The following ZDHHC9 variants were observed in gnomAD, a reference collection of about 807,000 sequenced individuals.
ZDHHC9 encodes the protein palmitoyltransferase ZDHHC9.
ZDHHC9 carries 3 observed loss-of-function variants against 26.6 expected under a neutral mutation model. That is an observed-to-expected ratio of 0.11 (90% CI 0.05 to 0.29). ZDHHC9 has a LOEUF of 0.29. Among genes scored for constraint, ZDHHC9 ranks in the 10% least tolerant of loss-of-function variants. The pLI, the probability that ZDHHC9 is intolerant of heterozygous loss-of-function variation, is 1.00. For synonymous variants in ZDHHC9, 111 were observed against 109.4 expected, an observed-to-expected ratio of 1.01 and a Z score of -0.09; for missense variants, 146 against 296.4, an observed-to-expected ratio of 0.49 and a Z score of 3.73.
intron 5 of ZDHHC9, among the ~76,000 whole-genome samples, chrX:129,821,569 G>A (rs905032507): frequency 8.3e-5 from 9 of 108,471 alleles, no homozygotes; most frequent in Non-Finnish European, 1.5e-4. Context: ...GGGATTACAG[G>A]TGTGAGCCAC....
intron 3 of ZDHHC9, among the ~76,000 whole-genome samples, chrX:129,838,180 C>T (rs983881272): frequency 8.9e-6 from 1 of 112,362 alleles, no homozygotes; most frequent in African/African-American, 3.2e-5. Context: ...AATACGTTTA[C>T]CATGAATACA....
intron 4 of ZDHHC9, among the ~76,000 whole-genome samples, chrX:129,827,802 G>A (rs866361018): frequency 3.3e-5 from 1 of 30,190 alleles, no homozygotes; most frequent in Non-Finnish European, 2.5e-4. Flanking sequence ...CTAAAGCAGC[G>A]TTTTTTGTTT....
At chrX:129,840,547 TAAG>T (rs1429544035) in intron 3 of ZDHHC9, among the ~76,000 whole-genome samples, 1 of 111,097 alleles carries the variant, frequency 9.0e-6, no homozygotes, top group African/African-American at 3.3e-5. Flanking sequence ...GGAAAGCAAA[TAAG>T]AAGCCTTCAG....
intron 3 of ZDHHC9, among the ~76,000 whole-genome samples, chrX:129,830,092 C>T (rs1304104744): frequency 2.7e-5 from 3 of 111,924 alleles, no homozygotes; most frequent in Non-Finnish European, 5.6e-5. Flanking sequence ...TGCTAAGCTG[C>T]ACTAATCTCT....
At chrX:129,814,194 GTA>G (rs1927707585) in intron 6 of ZDHHC9, among the ~76,000 whole-genome samples, 1 of 111,889 alleles carries the variant, frequency 8.9e-6, no homozygotes, top group African/African-American at 3.3e-5. Context: ...GTGTGGGTGT[GTA>G]TGTTTGTGCA....
intron 3 of ZDHHC9, among the ~76,000 whole-genome samples, chrX:129,830,430 A>G (rs1441875330): frequency 8.9e-6 from 1 of 112,529 alleles, no homozygotes; most frequent in Non-Finnish European, 1.9e-5. Context: ...AATGTTAGCT[A>G]TTAACATTAA....
chrX:129,838,167 T>G (rs1166277681), intron 3 of ZDHHC9, among the ~76,000 whole-genome samples: 1 of 112,550 alleles, frequency 8.9e-6, no homozygotes, highest in Non-Finnish European at 1.9e-5. Flanking sequence ...GCTTTTAAAC[T>G]TAAATACGTT....
chrX:129,832,897 C>T (rs1284528108), intron 3 of ZDHHC9, among the ~76,000 whole-genome samples: 4 of 95,762 alleles, frequency 4.2e-5, no homozygotes, highest in East Asian at 7.3e-4. Flanking sequence ...ACCCATGAGG[C>T]GGAGGTTGCA....
At chrX:129,834,327 C>T (rs1221671744) in intron 3 of ZDHHC9, among the ~76,000 whole-genome samples, 1 of 108,263 alleles carries the variant, frequency 9.2e-6, no homozygotes, top group Non-Finnish European at 1.9e-5. Flanking sequence ...AAGACACTAC[C>T]TCTAGAAGAC....
At chrX:129,825,504 AT>A (rs937450225) in intron 4 of ZDHHC9, among the ~76,000 whole-genome samples, 1 of 110,987 alleles carries the variant, frequency 9.0e-6, no homozygotes, top group Non-Finnish European at 1.9e-5. Flanking sequence ...CTCATTGTTA[AT>A]TTTTTTTCTA....
chrX:129,809,647 G>T (rs1191593595), intron 10 of ZDHHC9, among the ~76,000 whole-genome samples: 1 of 111,684 alleles, frequency 9.0e-6, no homozygotes, highest in Non-Finnish European at 1.9e-5. Flanking sequence ...CTCTAAAATT[G>T]ATTGTTATAA....
intron 5 of ZDHHC9, among the ~76,000 whole-genome samples, chrX:129,818,744 G>C (rs1326033096): frequency 8.9e-6 from 1 of 112,226 alleles, no homozygotes; most frequent in East Asian, 2.8e-4. Flanking sequence ...CAATTTTGCA[G>C]AAACACTAGT....
intron 3 of ZDHHC9, among the ~76,000 whole-genome samples, chrX:129,835,604 G>A (rs1372262716): frequency 1.8e-5 from 2 of 111,000 alleles, no homozygotes; most frequent in African/African-American, 3.3e-5. Flanking sequence ...CCAACACGGA[G>A]AAACTCTGTC....
At chrX:129,808,636 T>G (rs759598530) in intron 10 of ZDHHC9, among the ~76,000 whole-genome samples, 23 of 111,885 alleles carry the variant, frequency 2.1e-4, no homozygotes, top group Non-Finnish European at 4.1e-4. Context: ...GCATAAATCT[T>G]CATGACTTTG....
At chrX:129,813,291 C>T (rs945212248) in intron 7 of ZDHHC9, among the ~76,000 whole-genome samples, 4 of 111,506 alleles carry the variant, frequency 3.6e-5, no homozygotes, top group Non-Finnish European at 5.7e-5. Context: ...CCAAGCTACT[C>T]GGGAGGCTGA....
chrX:129,840,945 G>C (rs1771610), intron 3 of ZDHHC9, among the ~76,000 whole-genome samples: 12,705 of 110,028 alleles, frequency 0.12, 1,317 homozygotes, highest in East Asian at 0.41. Flanking sequence ...CTCAGGTGTG[G>C]CTTACAGTCC....
chrX:129,819,342 T>A (rs955743992), intron 5 of ZDHHC9, among the ~76,000 whole-genome samples: 8 of 110,764 alleles, frequency 7.2e-5, no homozygotes, highest in Non-Finnish European at 1.3e-4. Flanking sequence ...TATACAGATA[T>A]ATATTTTTTA....
intron 7 of ZDHHC9, among the ~76,000 whole-genome samples, chrX:129,813,362 A>C (rs901109425): frequency 1.8e-5 from 2 of 111,835 alleles, no homozygotes; most frequent in Non-Finnish European, 3.8e-5. Flanking sequence ...ACTCTGTCTC[A>C]AAAAAAGAAA....
Position 129,803,902 on chromosome X carries a change from T to TC in ZDHHC9, c.*2467dup, listed in dbSNP as rs1263686720. ...CCCTGGGAACATTGATTCTTTAATC[T>TC]CCCCTCTGATCAGATAGGGACAGTC... On this transcript the variant is annotated 3_prime_UTR_variant, in exon 11 of 11. Transcript: ENST00000357166. 1 of 111,821 alleles carries TC rather than the reference T, an allele frequency of 8.9e-6. No homozygotes were observed. Among genetic ancestry groups the TC allele is most frequent in the East Asian group, 2.8e-4 (1 of 3,581 alleles). The allele number at this position is 111,821 out of a possible 1,213,427, so 9.2% of individuals were successfully genotyped here.
Sources: allele counts gnomAD v4.1 joint callset (sites outside exome capture counted in the v4.1 genomes callset), GRCh38; gene constraint gnomAD v4.1.1; transcripts MANE v1.5; gene names NCBI Gene and HGNC (gene_info 2026-07-23, HGNC 2026-07-21).